Variants in HSPA1L observed in about 807,000 individuals in gnomAD.
The protein encoded by HSPA1L is heat shock 70 kDa protein 1-like.
HSPA1L carries 21 observed loss-of-function variants against 31.5 expected under a neutral mutation model. That is an observed-to-expected ratio of 0.67 (90% CI 0.47 to 0.96). The LOEUF (loss-of-function observed/expected upper bound fraction) is 0.96, where lower values mean the gene tolerates loss of function less well. HSPA1L is among the 40% of genes least tolerant of loss of function. HSPA1L has a pLI of 0.00. For missense variants in HSPA1L, 709 were observed against 813.4 expected (o/e 0.87, Z 1.56); for synonymous variants, 293 against 323.1 (o/e 0.91, Z 1.00).
In HSPA1L at chr6:31,810,322, T is replaced by C; in HGVS notation, c.1651A>G (p.Met551Val). The stretch of plus-strand genomic sequence containing the variant: ...CCTTCATCACTCACAACACTCTTCA[T>C]GTTAAAAGCATAGGATTCTAAGGCA... ...KNALESYAFN[M>V]KSVVSDEGLK... The change falls in exon 2 of 2, where the codon ATG becomes GTG. Residue 551 changes from methionine to valine, a missense_variant. Physicochemically the swap from Met to Val is conservative, Grantham distance 21. Coordinates refer to ENST00000375654, the MANE Select transcript of HSPA1L (RefSeq NM_005527.4). 6.3e-7 allele frequency: 1 copy of C among 1,590,910 alleles called. No individual in the cohort carries two copies. Among genetic ancestry groups the C allele is most frequent in the Non-Finnish European group, 8.5e-7 (1 of 1,170,360 alleles).
At position 31,811,280 on chromosome 6, in the gene HSPA1L, A is replaced by G. The variant is rs1288581682; in HGVS notation, c.693T>C (p.Gly231=). ...VKATAGDTHL[G]GEDFDNRLVS... is the part of the protein sequence containing the mutation. The stretch of plus-strand genomic sequence containing the variant: ...CAAGCCTGTTGTCAAAGTCCTCCCC[A>G]CCCAGGTGAGTGTCCCCAGCAGTGG... The change falls in exon 2 of 2, where the codon GGT becomes GGC. Residue 231 remains glycine (G), a synonymous_variant. Transcript: ENST00000375654. The G allele has an allele frequency of 6.2e-7, 1 of 1,613,990 alleles. No homozygotes were observed. Among genetic ancestry groups the G allele is most frequent in the African/African-American group, 1.3e-5 (1 of 74,996 alleles).
rs1815413466 is a variant in HSPA1L, at chr6:31,811,484, T to A, written c.489A>T (p.Ala163=). The part of the protein sequence containing the change: ...NDSQRQATKD[A]GVIAGLNVLR... ...GCACATTAAGTCCAGCAATCACACC[T>A]GCATCCTTAGTAGCCTGACGTTGAG... is the stretch of plus-strand genomic sequence containing the variant. The change falls in exon 2 of 2, where the codon GCA becomes GCT. Residue 163 remains alanine (A), a synonymous_variant. Transcript: ENST00000375654. The A allele has an allele frequency of 2.5e-6, 4 of 1,614,222 alleles. No homozygotes were observed. The highest frequency in any genetic ancestry group is 3.4e-6 in the Non-Finnish European group (4 of 1,180,040).
At chr6:31,814,809 G>C in intron 1 of HSPA1L, 80 bp downstream of exon 1, 1 of 778,300 alleles carries the variant, frequency 1.3e-6, no homozygotes, top group Non-Finnish European at 1.6e-6. Flanking sequence ...AAACCAACTA[G>C]GGAACTTTCC....
Position 31,810,772 on chromosome 6 carries a change from G to A in HSPA1L, c.1201C>T (p.Leu401=). The change falls in exon 2 of 2, where the codon CTG becomes TTG. Residue 401 remains leucine, a synonymous_variant. Coordinates refer to ENST00000375654, the MANE Select transcript of HSPA1L (RefSeq NM_005527.4). ...QDLLLLDVAP[L]SLGLETAGGV... ...CCAGCCGTCTCCAGCCCCAGGGACA[G>A]GGGAGCCACGTCCAGCAGCAGCAGG... 1.9e-6 allele frequency: 3 copies of A among 1,614,100 alleles called. No individual in the cohort carries two copies. The highest frequency in any genetic ancestry group is 3.3e-4 in the Middle Eastern group (2 of 6,062).
chr6:31,811,176 C>T lies in HSPA1L; in HGVS notation c.797G>A (p.Arg266His), dbSNP rs775580678. The change falls in exon 2 of 2, where the codon CGC becomes CAC. Residue 266 changes from arginine (R) to histidine (H), a missense_variant. By Grantham distance (29) the Arg-to-His change is conservative. Transcript: ENST00000375654. ...SQNKRAVRRL[R>H]TACERAKRTL... ...CCTCTTGGCCCTCTCGCAGGCGGTG[C>T]GCAGCCGCCTCACGGCTCGCTTGTT... 1.1e-5 allele frequency: 18 copies of T among 1,614,060 alleles called. No individual in the cohort carries two copies. Among genetic ancestry groups the T allele is most frequent in the Admixed American group, 3.3e-5 (2 of 60,000 alleles).
At position 31,814,989 on chromosome 6, in the gene HSPA1L, T is replaced by A. The variant is rs1815782794; in HGVS notation, c.-114A>T. On this transcript the variant is annotated 5_prime_UTR_variant, in exon 1 of 2. Coordinates refer to ENST00000375654, the MANE Select transcript of HSPA1L (RefSeq NM_005527.4). ...TCAATATCAAACTGCACAACCGGGG[T>A]CCCCCCACCCCCCACCCCGTCCCTC... 1 of 953,472 alleles carries A rather than the reference T, an allele frequency of 1.0e-6. No individual in the cohort carries two copies. The highest frequency in any genetic ancestry group is 1.9e-5 in the African/African-American group (1 of 51,306). 59.1% of individuals were successfully genotyped at this position (953,472 alleles called of 1,614,324 possible). A position where few individuals can be genotyped will look rare whatever the true frequency, so the allele number is the denominator to read the frequency against.
chr6:31,811,269 A>G lies in HSPA1L; in HGVS notation c.704T>C (p.Phe235Ser). ...AGDTHLGGED[F>S]DNRLVSHFVE... ...GAAGTGGCTCACAAGCCTGTTGTCAAAGTCCTCCCCACCCAGGTGAGTGTC... is the reference window on the plus strand; with the variant it reads ...GAAGTGGCTCACAAGCCTGTTGTCAGAGTCCTCCCCACCCAGGTGAGTGTC... The change falls in exon 2 of 2, where the codon TTT (phenylalanine) becomes TCT (serine). Residue 235 changes from phenylalanine to serine, a missense_variant. Physicochemically the swap from Phe to Ser is radical, Grantham distance 155. Coordinates refer to ENST00000375654, the MANE Select transcript of HSPA1L (RefSeq NM_005527.4). 2 of 1,614,102 alleles carry G rather than the reference A, an allele frequency of 1.2e-6. No homozygotes were observed. Among genetic ancestry groups the G allele is most frequent in the Non-Finnish European group, 1.7e-6 (2 of 1,180,030 alleles).
Position 31,809,969 on chromosome 6 carries a change from GAAT to G in HSPA1L, c.*75_*77del, listed in dbSNP as rs1467064257. On this transcript the variant is annotated 3_prime_UTR_variant, in exon 2 of 2. Coordinates refer to ENST00000375654, the MANE Select transcript of HSPA1L (RefSeq NM_005527.4). ...GTAACTTAGATTCAGGTCTGGTCAA[GAAT>G]AATAATGATGTTTGAAGATGAGGGG... 6 of 1,239,528 alleles carry G rather than the reference GAAT, an allele frequency of 4.8e-6. No individual in the cohort carries two copies. The highest frequency in any genetic ancestry group is 2.8e-5 in the Admixed American group (1 of 35,896). The allele number at this position is 1,239,528 out of a possible 1,614,324, so 76.8% of individuals were successfully genotyped here.
rs571792102 is a variant in HSPA1L, at chr6:31,810,658, C to T, written c.1315G>A (p.Gly439Arg). Residue 439 changes from glycine (G) to arginine (R), a missense_variant, in exon 2 of 2, where the codon GGG (glycine) becomes AGG (arginine). Gly to Arg is a moderately radical substitution (Grantham distance 125). Coordinates refer to ENST00000375654, the MANE Select transcript of HSPA1L (RefSeq NM_005527.4). ...IFTTYSDNQP[G>R]VLIQVYEGER... ...CCCTCATACACCTGGATCAGCACCC[C>T]GGGTTGGTTGTCAGAGTAGGTGGTG... 3.0e-5 allele frequency: 49 copies of T among 1,614,098 alleles called. No individual in the cohort carries two copies. The South Asian group carries it at 3.7e-4, about 12-fold the overall frequency.
In HSPA1L at chr6:31,810,911, GTCCTGAAGCAGCCGC is replaced by G; in HGVS notation, c.1047_1061del (p.Gln349_Asp354delinsHis). On this transcript the variant is annotated inframe_deletion, in exon 2 of 2. Transcript: ENST00000375654. ...TGTTGAGATCACGTCCATTGAAGTAGTCCTGAAGCAGCCGCTGCACCTTGGGGATGCGGGTGGAGC... is the reference window on the plus strand; with the variant it reads ...TGTTGAGATCACGTCCATTGAAGTAGTGCACCTTGGGGATGCGGGTGGAGC... The G allele has an allele frequency of 6.2e-7, 1 of 1,614,154 alleles. No homozygotes were observed. Among genetic ancestry groups the G allele is most frequent in the Non-Finnish European group, 8.5e-7 (1 of 1,180,038 alleles).
chr6:31,814,348 G>A (rs1163857314), intron 1 of HSPA1L, among the ~76,000 whole-genome samples: 2 of 151,534 alleles, frequency 1.3e-5, no homozygotes, highest in Non-Finnish European at 2.9e-5. Flanking sequence ...TTGAACCCGG[G>A]AGGTGGAGCA....
At position 31,815,267 on chromosome 6, in the gene HSPA1L, T is replaced by G. The variant is rs926825310; in HGVS notation, c.-392A>C. Among the ~76,000 whole-genome samples, 52 of 152,028 alleles carry G rather than the reference T, an allele frequency of 3.4e-4. 1 individual carries two copies. The highest frequency in any genetic ancestry group is 5.2e-4 in the Admixed American group (8 of 15,272). On this transcript the variant is annotated 5_prime_UTR_variant, in exon 1 of 2. An upstream start codon of the reference 5' UTR is lost. Coordinates refer to ENST00000375654, the MANE Select transcript of HSPA1L (RefSeq NM_005527.4). ...GGCGCTGAAGCGCAGGCGGTCAGCA[T>G]CGCCATGGAGACCAACACCCTTCCC...
rs1815367947 is a variant in HSPA1L at position 31,810,949 on chromosome 6, A to C, written c.1024T>G (p.Ser342Ala). Reference sequence around the variant, plus strand: ...CGCTGCACCTTGGGGATGCGGGTGGAGCCCCCTACTAAAACAATGTCATGG... The same window carrying C: ...CGCTGCACCTTGGGGATGCGGGTGGCGCCCCCTACTAAAACAATGTCATGG... ...KIHDIVLVGG[S>A]TRIPKVQRLL... The change falls in exon 2 of 2, where the codon TCC becomes GCC. Residue 342 changes from serine (S) to alanine (A), a missense_variant. Physicochemically the swap from Ser to Ala is moderately conservative, Grantham distance 99. Transcript: ENST00000375654. 3 of 1,614,008 alleles carry C rather than the reference A, an allele frequency of 1.9e-6. No homozygotes were observed. In the South Asian group the frequency reaches 3.3e-5, roughly 18 times the overall value.
At position 31,811,246 on chromosome 6, in the gene HSPA1L, A is replaced by C. The variant is rs1290344128; in HGVS notation, c.727T>G (p.Phe243Val). 6.2e-7 allele frequency: 1 copy of C among 1,614,092 alleles called. No individual in the cohort carries two copies. The change falls in exon 2 of 2, where the codon TTC (phenylalanine) becomes GTC (valine). Residue 243 changes from phenylalanine (F) to valine (V), a missense_variant. By Grantham distance (50) the Phe-to-Val change is conservative. Coordinates refer to ENST00000375654, the MANE Select transcript of HSPA1L (RefSeq NM_005527.4). ...TGTTTCCTCTTGAACTCCTCCACGA[A>C]GTGGCTCACAAGCCTGTTGTCAAAG... Reference protein sequence around the residue: ...EDFDNRLVSHFVEEFKRKHKK... With the variant: ...EDFDNRLVSHVVEEFKRKHKK...
At position 31,811,350 on chromosome 6, in the gene HSPA1L, T is replaced by A. The variant is rs1222147845; in HGVS notation, c.623A>T (p.Asp208Val). The A allele has an allele frequency of 1.2e-6, 2 of 1,614,214 alleles. No individual in the cohort carries two copies. The highest frequency in any genetic ancestry group is 2.2e-5 in the East Asian group (1 of 44,882). The change falls in exon 2 of 2, where the codon GAT becomes GTT. Residue 208 changes from aspartate (D) to valine (V), a missense_variant. Asp to Val is a radical substitution (Grantham distance 152). Transcript: ENST00000375654. ...LIFDLGGGTF[D>V]VSILTIDDGI... Reference sequence around the variant, plus strand: ...ATCATCTATGGTCAGAATTGACACATCAAATGTGCCTCCACCCAGATCAAA... The same window carrying A: ...ATCATCTATGGTCAGAATTGACACAACAAATGTGCCTCCACCCAGATCAAA...
At chr6:31,812,182 A>ATT (rs545105946) in intron 1 of HSPA1L, among the ~76,000 whole-genome samples, 197 bp from the exon 2 acceptor site, 21 of 145,316 alleles carry the variant, frequency 1.4e-4, no homozygotes, top group South Asian at 2.2e-4. Context: ...TGCCCGGCTA[A>ATT]TTTTTTTTTT....
chr6:31,811,014 T>C lies in HSPA1L; in HGVS notation c.959A>G (p.Glu320Gly), dbSNP rs1815372685. Reference sequence around the variant, plus strand: ...CATCTTGGCATCCCGAAGCGCTTTTTCTACAGGCTCCAGGGTACCCCTAAA... The same window carrying C: ...CATCTTGGCATCCCGAAGCGCTTTTCCTACAGGCTCCAGGGTACCCCTAAA... ...DLFRGTLEPV[E>G]KALRDAKMDK... Residue 320 changes from glutamate (E) to glycine (G), a missense_variant, in exon 2 of 2, where the codon GAA becomes GGA. Physicochemically the swap from Glu to Gly is moderately conservative, Grantham distance 98. Transcript: ENST00000375654. 1 of 1,614,070 alleles carries C rather than the reference T, an allele frequency of 6.2e-7. No individual in the cohort carries two copies.
chr6:31,810,787 G>C lies in HSPA1L; in HGVS notation c.1186C>G (p.Leu396Val). ...CCCAGGGACAGGGGAGCCACGTCCAGCAGCAGCAGGTCCTGTACCTTCTCA... is the reference window on the plus strand; with the variant it reads ...CCCAGGGACAGGGGAGCCACGTCCACCAGCAGCAGGTCCTGTACCTTCTCA... ...KSEKVQDLLL[L>V]DVAPLSLGLE... The change falls in exon 2 of 2, where the codon CTG (leucine) becomes GTG (valine). Residue 396 changes from leucine (L) to valine (V), a missense_variant. Transcript: ENST00000375654. The C allele has an allele frequency of 4.3e-6, 7 of 1,611,214 alleles. No homozygotes were observed. Among genetic ancestry groups the C allele is most frequent in the Non-Finnish European group, 5.9e-6 (7 of 1,177,930 alleles).
Position 31,810,573 on chromosome 6 carries a change from G to C in HSPA1L, c.1400C>G (p.Pro467Arg), listed in dbSNP as rs1815337547. The part of the protein sequence containing the change: ...LLGRFDLTGI[P>R]PAPRGVPQIE... ...CTGAGGAACTCCCCTGGGTGCTGGAGGGATTCCAGTCAGGTCAAACCGCCC... is the reference window on the plus strand; with the variant it reads ...CTGAGGAACTCCCCTGGGTGCTGGACGGATTCCAGTCAGGTCAAACCGCCC... The change falls in exon 2 of 2, where the codon CCT becomes CGT. Residue 467 changes from proline (P) to arginine (R), a missense_variant. By Grantham distance (103) the Pro-to-Arg change is moderately radical. Transcript: ENST00000375654. The C allele has an allele frequency of 5.0e-6, 8 of 1,613,760 alleles. No homozygotes were observed. The highest frequency in any genetic ancestry group is 6.8e-6 in the Non-Finnish European group (8 of 1,179,852).
Sources: gnomAD v4.1 joint callset for allele counts (sites outside exome capture counted in the v4.1 genomes callset) on GRCh38, gnomAD v4.1.1 for gene constraint, MANE v1.5 for transcripts, NCBI Gene and HGNC (gene_info 2026-07-23, HGNC 2026-07-21) for gene names.